Variants in GRM7 observed in about 807,000 individuals in gnomAD.
GRM7 encodes metabotropic glutamate receptor 7.
GRM7 carries 35 observed loss-of-function variants against 84.5 expected under a neutral mutation model. The observed-to-expected ratio is 0.41, with a 90% CI of 0.32 to 0.55. The LOEUF (loss-of-function observed/expected upper bound fraction) is 0.55, where lower values mean the gene tolerates loss of function less well. Among genes scored for constraint, GRM7 ranks in the 20% least tolerant of loss-of-function variants. The pLI, the probability that GRM7 is intolerant of heterozygous loss-of-function variation, is 0.19. For missense variants in GRM7, 1,003 were observed against 1,194.6 expected (o/e 0.84, Z 2.36); for synonymous variants, 487 against 455.1 (o/e 1.07, Z -0.89).
chr3:7,291,852 T>G (rs1488106009), intron 2 of GRM7, among the ~76,000 whole-genome samples: 1 of 152,034 alleles, frequency 6.6e-6, no homozygotes, highest in Non-Finnish European at 1.5e-5. Flanking sequence ...CTCCCATAAT[T>G]CCCACATGTT....
At chr3:7,487,895 G>C (rs1009439769) in intron 7 of GRM7, among the ~76,000 whole-genome samples, 3 of 152,260 alleles carry the variant, frequency 2.0e-5, no homozygotes, top group South Asian at 2.1e-4. Flanking sequence ...AAAACCACAG[G>C]CTCTAGTGTA....
intron 9 of GRM7, among the ~76,000 whole-genome samples, chr3:7,686,678 G>A (rs1465269216): frequency 1.3e-5 from 2 of 152,090 alleles, no homozygotes; most frequent in African/African-American, 4.8e-5. Flanking sequence ...TTGTCTTCCT[G>A]AACAGCTAGC....
chr3:7,078,940 G>T (rs1276246989), intron 1 of GRM7, among the ~76,000 whole-genome samples: 1 of 151,232 alleles, frequency 6.6e-6, no homozygotes, highest in South Asian at 2.1e-4. Flanking sequence ...AAGTGAGAAA[G>T]GTATAAGAAA....
intron 1 of GRM7, among the ~76,000 whole-genome samples, chr3:7,076,282 T>C (rs1034391509): frequency 1.3e-5 from 2 of 152,182 alleles, no homozygotes; most frequent in Non-Finnish European, 2.9e-5. Flanking sequence ...ATGGTTTGGC[T>C]CTGTGTCTCC....
At position 7,593,897 on chromosome 3, in the gene GRM7, A is replaced by G. The variant is rs369066262; in HGVS notation, c.2451+14540A>G. ...ATAGAAGTTTCCCAAGCACCTGCAC[A>G]TTTGATAGAGCTTCCAAAATTACAC... On this transcript the variant is annotated intron_variant, in intron 8 of 9. Coordinates refer to ENST00000357716, the MANE Select transcript of GRM7 (RefSeq NM_000844.4). Among the ~76,000 whole-genome samples the G allele has an allele frequency of 8.5e-5, 13 of 152,194 alleles. No homozygotes were observed. The East Asian group carries it at 1.4e-3, about 16-fold the overall frequency.
chr3:7,494,265 G>A (rs1699621723), intron 7 of GRM7, among the ~76,000 whole-genome samples: 1 of 152,132 alleles, frequency 6.6e-6, no homozygotes, highest in Admixed American at 6.5e-5. Flanking sequence ...ACAGTGAGCA[G>A]TTATCTTCTT....
chr3:7,690,105 A>G (rs1414256737), intron 9 of GRM7, among the ~76,000 whole-genome samples: 1 of 152,204 alleles, frequency 6.6e-6, no homozygotes, highest in Admixed American at 6.5e-5. Flanking sequence ...AAGAACCTGC[A>G]GTACAAGAGA....
rs569044741 is a variant in GRM7, at chr3:7,468,456, G to A, written c.1515+6734G>A. Among the ~76,000 whole-genome samples, 10 of 152,244 alleles carry A rather than the reference G, an allele frequency of 6.6e-5. No homozygotes were observed. In the South Asian group the frequency reaches 2.1e-3, roughly 32 times the overall value. On this transcript the variant is annotated intron_variant, in intron 7 of 9. Coordinates refer to ENST00000357716, the MANE Select transcript of GRM7 (RefSeq NM_000844.4). ...CTTATGGTAGTACCTATTTCACTGA[G>A]TTATGGTTAGCATTACATATTAATA...
At chr3:7,353,325 G>T (rs1435391454) in intron 4 of GRM7, among the ~76,000 whole-genome samples, 1 of 152,128 alleles carries the variant, frequency 6.6e-6, no homozygotes, top group Non-Finnish European at 1.5e-5. Context: ...TGGTAGGAAT[G>T]AATATTAAGG....
At chr3:7,502,159 C>T (rs1699904300) in intron 7 of GRM7, among the ~76,000 whole-genome samples, 1 of 152,168 alleles carries the variant, frequency 6.6e-6, no homozygotes, top group African/African-American at 2.4e-5. Flanking sequence ...CGCACTCTTG[C>T]AGAGCAGAGG....
chr3:7,642,156 A>T (rs1016917900), intron 8 of GRM7, among the ~76,000 whole-genome samples: 3 of 152,180 alleles, frequency 2.0e-5, no homozygotes, highest in Non-Finnish European at 2.9e-5. Flanking sequence ...ATTACCTGAG[A>T]GTCTTCGTAA....
intron 2 of GRM7, among the ~76,000 whole-genome samples, chr3:7,235,308 A>G (rs970782899): frequency 6.6e-6 from 1 of 152,244 alleles, no homozygotes; most frequent in African/African-American, 2.4e-5. Context: ...AGCTCTTGGT[A>G]TGTATGCCAA....
At chr3:7,674,670 A>G (rs1255339160) in intron 8 of GRM7, among the ~76,000 whole-genome samples, 2 of 152,190 alleles carry the variant, frequency 1.3e-5, no homozygotes, top group Admixed American at 6.5e-5. Flanking sequence ...TATTAATTAT[A>G]GTCACCATGT....
chr3:7,326,638 A>G (rs1404978783), intron 4 of GRM7, among the ~76,000 whole-genome samples: 1 of 152,114 alleles, frequency 6.6e-6, no homozygotes, highest in African/African-American at 2.4e-5. Flanking sequence ...ATCTGAGGTC[A>G]GGAGTTTGAG....
At chr3:7,541,422 C>T (rs914460059) in intron 7 of GRM7, among the ~76,000 whole-genome samples, 1 of 152,050 alleles carries the variant, frequency 6.6e-6, no homozygotes, top group Non-Finnish European at 1.5e-5. Flanking sequence ...GTAATATTTG[C>T]AAGAATGGCT....
chr3:7,475,275 G>A (rs1347632453), intron 7 of GRM7, among the ~76,000 whole-genome samples: 1 of 152,172 alleles, frequency 6.6e-6, no homozygotes, highest in Non-Finnish European at 1.5e-5. Context: ...CTTTATCTTA[G>A]CAGGGAACTT....
chr3:7,227,912 C>G (rs1382182237), intron 2 of GRM7, among the ~76,000 whole-genome samples: 3 of 152,144 alleles, frequency 2.0e-5, no homozygotes, highest in Non-Finnish European at 2.9e-5. Context: ...AGTTGGATCC[C>G]TGGGCCCAAG....
At chr3:7,448,247 T>A (rs1697611165) in intron 5 of GRM7, among the ~76,000 whole-genome samples, 1 of 151,628 alleles carries the variant, frequency 6.6e-6, no homozygotes, top group African/African-American at 2.4e-5. Flanking sequence ...TGATTTATAG[T>A]CCTTTGGGTA....
At chr3:7,378,964 A>G (rs112422471) in intron 4 of GRM7, among the ~76,000 whole-genome samples, 1 of 152,244 alleles carries the variant, frequency 6.6e-6, no homozygotes, top group Non-Finnish European at 1.5e-5. Flanking sequence ...CAGAAACACT[A>G]TCCAGCCCAT....
Sources: allele counts gnomAD v4.1 joint callset (sites outside exome capture counted in the v4.1 genomes callset), GRCh38; gene constraint gnomAD v4.1.1; transcripts MANE v1.5; gene names NCBI Gene and HGNC (gene_info 2026-07-23, HGNC 2026-07-21).